UBR1: variants seen among roughly 807,000 people sequenced by gnomAD.
The protein encoded by UBR1 is E3 ubiquitin-protein ligase UBR1.
A neutral mutation model predicts 242.1 loss-of-function variants in UBR1; 102 were observed. That is an observed-to-expected ratio of 0.42 (90% CI 0.36 to 0.50). UBR1 has a LOEUF of 0.50. UBR1 is among the 20% of genes least tolerant of loss of function. UBR1 has a pLI of 0.01. For synonymous variants in UBR1, 675 were observed against 684.8 expected (o/e 0.99, Z 0.22); for missense variants, 1,772 against 2,101.8 (o/e 0.84, Z 3.07).
intron 34 of UBR1, 72 bp downstream of exon 34, chr15:42,989,958 G>T: frequency 9.6e-7 from 1 of 1,044,666 alleles, no homozygotes; most frequent in East Asian, 2.5e-5. Context: ...AGGAAAGATG[G>T]AAGCCTACAC....
intron 46 of UBR1, among the ~76,000 whole-genome samples, chr15:42,947,609 C>T (rs935875027): frequency 1.3e-5 from 2 of 152,062 alleles, no homozygotes; most frequent in African/African-American, 4.8e-5. Flanking sequence ...AATCAATGTA[C>T]AAAAATCACC....
chr15:43,079,664 C>G (rs1396828725), intron 3 of UBR1, among the ~76,000 whole-genome samples: 1 of 152,036 alleles, frequency 6.6e-6, no homozygotes, highest in Non-Finnish European at 1.5e-5. Context: ...CGCCTGTAGT[C>G]CCAGCTACTC....
At chr15:42,987,754 T>C (rs2032496616) in intron 35 of UBR1, among the ~76,000 whole-genome samples, 2 of 151,044 alleles carry the variant, frequency 1.3e-5, no homozygotes, top group East Asian at 1.9e-4. Flanking sequence ...TCATGCTACT[T>C]AATTCAAATT....
chr15:43,014,116 G>A (rs867776414), intron 29 of UBR1, among the ~76,000 whole-genome samples: 19 of 152,368 alleles, frequency 1.2e-4, no homozygotes, highest in African/African-American at 3.4e-4. Flanking sequence ...GCTCCTAACC[G>A]CGAGTGATCC....
rs757731505 is a variant in UBR1, at chr15:43,022,749, T to G, written c.2792A>C (p.Lys931Thr). The change falls in exon 26 of 47, where the codon AAA becomes ACA. Residue 931 changes from lysine (K) to threonine (T), a missense_variant. Coordinates refer to ENST00000290650, the MANE Select transcript of UBR1 (RefSeq NM_174916.3). ...GLLEEKQQLQ[K>T]APEEEVTFDF... The stretch of plus-strand genomic sequence containing the variant: ...AAATGTTACTTCTTCTTCAGGAGCT[T>G]TTTGAAGCTGTTGCTTCTCTTCTAG... 6 of 1,612,472 alleles carry G rather than the reference T, an allele frequency of 3.7e-6. No individual in the cohort carries two copies. In the Admixed American group the frequency reaches 5.0e-5, roughly 13 times the overall value.
At chr15:43,001,195 G>A (rs1231823487) in intron 32 of UBR1, among the ~76,000 whole-genome samples, 1 of 149,678 alleles carries the variant, frequency 6.7e-6, no homozygotes, top group East Asian at 2.0e-4. Flanking sequence ...TGCCCAGGCT[G>A]TAATGCAATG....
At chr15:43,092,700 C>T (rs1239842025) in intron 1 of UBR1, among the ~76,000 whole-genome samples, 11 of 152,090 alleles carry the variant, frequency 7.2e-5, no homozygotes, top group Admixed American at 5.2e-4. Flanking sequence ...ACTACGGGCG[C>T]GTGCCACCCC....
chr15:43,057,795 A>C (rs560547654), intron 10 of UBR1, among the ~76,000 whole-genome samples: 1 of 151,862 alleles, frequency 6.6e-6, no homozygotes, highest in South Asian at 2.1e-4. Context: ...GAATGTGATA[A>C]CCTCCCTTTG....
At chr15:43,014,948 C>A (rs1250318480) in intron 29 of UBR1, among the ~76,000 whole-genome samples, 6 of 149,424 alleles carry the variant, frequency 4.0e-5, no homozygotes, top group Non-Finnish European at 7.4e-5. Context: ...CCCCGCCCGG[C>A]CAGCTGCCCT....
At chr15:43,049,730 A>G (rs1334672601) in intron 12 of UBR1, among the ~76,000 whole-genome samples, 1 of 152,228 alleles carries the variant, frequency 6.6e-6, no homozygotes, top group Non-Finnish European at 1.5e-5. Context: ...TTTAATTCAA[A>G]TATACTAATT....
chr15:43,081,284 G>A (rs2033971093), intron 3 of UBR1, among the ~76,000 whole-genome samples: 1 of 152,024 alleles, frequency 6.6e-6, no homozygotes, highest in African/African-American at 2.4e-5. Flanking sequence ...AGGTGTGGTG[G>A]CGCACGCCTG....
intron 24 of UBR1, 145 bp downstream of exon 24, chr15:43,025,236 T>C (rs899738331): frequency 2.5e-5 from 22 of 866,756 alleles, no homozygotes; most frequent in Non-Finnish European, 3.6e-5. Flanking sequence ...CATATCTTAA[T>C]ATGTGAATAA....
intron 37 of UBR1, among the ~76,000 whole-genome samples, chr15:42,978,388 G>A (rs1323325111): frequency 6.6e-6 from 1 of 152,216 alleles, no homozygotes; most frequent in East Asian, 1.9e-4. Flanking sequence ...AAATGAGGAT[G>A]GAGAAGATCA....
In UBR1 at chr15:43,002,638, A is replaced by G. The variant is rs2032743539; in HGVS notation, c.3576T>C (p.Ser1192=). 6.2e-7 allele frequency: 1 copy of G among 1,614,072 alleles called. No individual in the cohort carries two copies. Among genetic ancestry groups the G allele is most frequent in the African/African-American group, 1.3e-5 (1 of 74,926 alleles). ...RIHVDLFDLE[S]GEYLCPLCKS... is the part of the protein sequence containing the mutation. ...TGCAAAGAGGGCAAAGATATTCTCC[A>G]CTTTCCAAGTCAAAAAGGTCAACAT... Residue 1192 remains serine, a synonymous_variant, in exon 32 of 47, where the codon AGT becomes AGC. Transcript: ENST00000290650.
At chr15:43,005,950 C>A (rs1242545712) in intron 30 of UBR1, among the ~76,000 whole-genome samples, 3 of 149,786 alleles carry the variant, frequency 2.0e-5, no homozygotes, top group Non-Finnish European at 3.0e-5. Flanking sequence ...ACAAACACTG[C>A]GGAAGGCCGC....
intron 18 of UBR1, 65 bp from the exon 19 acceptor site, chr15:43,036,344 G>A (rs1371094180): frequency 6.8e-7 from 1 of 1,467,338 alleles, no homozygotes; most frequent in Non-Finnish European, 9.5e-7. Context: ...GTCTCATGTA[G>A]GACTGTCAAA....
chr15:43,036,603 A>C lies in UBR1; in HGVS notation c.2023-10T>G. The C allele has an allele frequency of 6.8e-7, 1 of 1,471,408 alleles. No individual in the cohort carries two copies. Among genetic ancestry groups the C allele is most frequent in the Non-Finnish European group, 9.5e-7 (1 of 1,054,082 alleles). The allele number at this position is 1,471,408 out of a possible 1,614,324, so 91.1% of individuals were successfully genotyped here. On this transcript the variant is annotated splice_polypyrimidine_tract_variant and intron_variant, in intron 17 of 46. Coordinates refer to ENST00000290650, the MANE Select transcript of UBR1 (RefSeq NM_174916.3). Reference sequence around the variant, plus strand: ...CTTGGTAATAAAACACCTATAAGGTAATAGGTAGAATAAATCCTAAAAGAA... The same window carrying C: ...CTTGGTAATAAAACACCTATAAGGTCATAGGTAGAATAAATCCTAAAAGAA...
At chr15:43,100,871 C>G (rs2141372796) in intron 1 of UBR1, among the ~76,000 whole-genome samples, 1 of 152,304 alleles carries the variant, frequency 6.6e-6, no homozygotes, top group African/African-American at 2.4e-5. Flanking sequence ...CACACATGAT[C>G]CTTCCCTTCA....
intron 14 of UBR1, among the ~76,000 whole-genome samples, chr15:43,046,095 T>C (rs1215867988): frequency 2.0e-5 from 3 of 152,220 alleles, no homozygotes; most frequent in Non-Finnish European, 4.4e-5. Context: ...TAAGTGAAGA[T>C]ACTAAATGTA....
Sources: allele counts gnomAD v4.1 joint callset (sites outside exome capture counted in the v4.1 genomes callset), GRCh38; gene constraint gnomAD v4.1.1; transcripts MANE v1.5; gene names NCBI Gene and HGNC (gene_info 2026-07-23, HGNC 2026-07-21).